The following DPP10 variants were observed in gnomAD, a reference collection of about 807,000 sequenced individuals.
DPP10 encodes inactive dipeptidyl peptidase 10.
A neutral mutation model predicts 120.9 loss-of-function variants in DPP10; 33 were observed. That is an observed-to-expected ratio of 0.27 (90% CI 0.21 to 0.37). The LOEUF is 0.37. DPP10 is among the 10% of genes least tolerant of loss of function. DPP10 has a pLI of 1.00. For missense variants in DPP10, 816 were observed against 942.8 expected, an observed-to-expected ratio of 0.87 and a Z score of 1.76; for synonymous variants, 337 against 326.1, an observed-to-expected ratio of 1.03 and a Z score of -0.36.
intron 10 of DPP10, among the ~76,000 whole-genome samples, chr2:115,749,634 T>A (rs1410788218): frequency 1.3e-5 from 2 of 152,202 alleles, no homozygotes; most frequent in Non-Finnish European, 2.9e-5. Context: ...TGAATAACCC[T>A]TCTGACAAGT....
chr2:115,406,323 G>T (rs1333619001), intron 3 of DPP10, among the ~76,000 whole-genome samples: 1 of 152,136 alleles, frequency 6.6e-6, no homozygotes, highest in Non-Finnish European at 1.5e-5. Flanking sequence ...CAGCATTCTG[G>T]TCATGACAAC....
intron 21 of DPP10, among the ~76,000 whole-genome samples, chr2:115,819,034 T>C (rs1687547466): frequency 6.6e-6 from 1 of 152,178 alleles, no homozygotes; most frequent in Admixed American, 6.5e-5. Context: ...TGCGATTCTT[T>C]TTTCTTGAAA....
At chr2:115,401,698 C>T (rs2068085113) in intron 3 of DPP10, among the ~76,000 whole-genome samples, 1 of 152,116 alleles carries the variant, frequency 6.6e-6, no homozygotes, top group African/African-American at 2.4e-5. Flanking sequence ...CTGGGCTACA[C>T]ATCAAAGCTA....
intron 1 of DPP10, among the ~76,000 whole-genome samples, chr2:114,455,462 C>A (rs1573387473): frequency 6.6e-6 from 1 of 151,500 alleles, no homozygotes; most frequent in African/African-American, 2.4e-5. Context: ...GGAGAATCGC[C>A]TGAACCTGGG....
chr2:114,827,650 T>C (rs1686684836), intron 1 of DPP10, among the ~76,000 whole-genome samples: 1 of 152,206 alleles, frequency 6.6e-6, no homozygotes, highest in Non-Finnish European at 1.5e-5. Flanking sequence ...TGCATGTGTG[T>C]GTGCATGTAC....
chr2:115,754,539 C>A (rs1032189237), intron 11 of DPP10, among the ~76,000 whole-genome samples: 2 of 152,082 alleles, frequency 1.3e-5, no homozygotes, highest in South Asian at 2.1e-4. Context: ...AGTCTAGACA[C>A]CTTCTAATCA....
intron 1 of DPP10, among the ~76,000 whole-genome samples, chr2:114,977,746 TTAATA>T (rs1699842357): frequency 6.6e-6 from 1 of 152,242 alleles, no homozygotes; most frequent in African/African-American, 2.4e-5. Flanking sequence ...TCTAGTATTC[TTAATA>T]TATTTCTCTC....
chr2:115,674,864 G>C (rs1352013186), intron 5 of DPP10, among the ~76,000 whole-genome samples: 1 of 152,158 alleles, frequency 6.6e-6, no homozygotes, highest in African/African-American at 2.4e-5. Context: ...CAGCATTAGA[G>C]TAATTGCTCT....
intron 1 of DPP10, among the ~76,000 whole-genome samples, chr2:114,631,091 T>C (rs181070176): frequency 1.6e-3 from 244 of 152,250 alleles, no homozygotes; most frequent in African/African-American, 5.2e-3. Flanking sequence ...ATATAGTTTA[T>C]GTTTTTTAGG....
chr2:115,729,137 G>C (rs1337660301), intron 8 of DPP10, among the ~76,000 whole-genome samples: 2 of 152,170 alleles, frequency 1.3e-5, no homozygotes, highest in African/African-American at 4.8e-5. Context: ...AGTGTTCATT[G>C]GTTGAGAGTT....
chr2:115,208,163 T>A (rs1036610618), intron 1 of DPP10, among the ~76,000 whole-genome samples: 1 of 151,776 alleles, frequency 6.6e-6, no homozygotes, highest in Non-Finnish European at 1.5e-5. Context: ...TCCACATCTC[T>A]AAGGATACTT....
At chr2:115,402,139 C>T (rs1378193465) in intron 3 of DPP10, among the ~76,000 whole-genome samples, 2 of 152,134 alleles carry the variant, frequency 1.3e-5, no homozygotes, top group Non-Finnish European at 2.9e-5. Context: ...GATGTTTCAC[C>T]TCGTTGCCCT....
intron 1 of DPP10, among the ~76,000 whole-genome samples, chr2:114,927,366 G>A (rs954730247): frequency 2.0e-5 from 3 of 151,428 alleles, no homozygotes; most frequent in African/African-American, 4.9e-5. Context: ...ATCTGCCCAA[G>A]GTTGTCAGGG....
intron 1 of DPP10, among the ~76,000 whole-genome samples, chr2:114,918,908 C>T (rs1694997942): frequency 6.6e-6 from 1 of 151,384 alleles, no homozygotes; most frequent in African/African-American, 2.4e-5. Flanking sequence ...CACAACTTAC[C>T]TATGTAGCAA....
intron 1 of DPP10, among the ~76,000 whole-genome samples, chr2:115,179,628 T>A (rs1340223877): frequency 6.6e-6 from 1 of 152,216 alleles, no homozygotes; most frequent in African/African-American, 2.4e-5. Context: ...TTTGCAGAAT[T>A]CTTTTATGTT....
At chr2:115,837,944 A>G (rs1689703825) in intron 24 of DPP10, among the ~76,000 whole-genome samples, 1 of 152,174 alleles carries the variant, frequency 6.6e-6, no homozygotes, top group African/African-American at 2.4e-5. Flanking sequence ...TGGAACAGAA[A>G]GGGTACACAG....
chr2:114,548,560 T>A (rs2104853003), intron 1 of DPP10, among the ~76,000 whole-genome samples: 1 of 152,288 alleles, frequency 6.6e-6, no homozygotes, highest in South Asian at 2.1e-4. Context: ...AGCCACAGCT[T>A]TTATGAGCGA....
At chr2:114,666,871 C>T (rs542762042) in intron 1 of DPP10, among the ~76,000 whole-genome samples, 7 of 152,110 alleles carry the variant, frequency 4.6e-5, no homozygotes, top group East Asian at 3.8e-4. Flanking sequence ...ATGTCTTAAT[C>T]GTAACTATAT....
chr2:114,772,533 C>A (rs557470100), intron 1 of DPP10, among the ~76,000 whole-genome samples: 3 of 152,104 alleles, frequency 2.0e-5, no homozygotes. Context: ...GAGAAGGATG[C>A]ACATACCTAA....
Sources: gnomAD v4.1 joint callset for allele counts (sites outside exome capture counted in the v4.1 genomes callset) on GRCh38, gnomAD v4.1.1 for gene constraint, MANE v1.5 for transcripts, NCBI Gene and HGNC (gene_info 2026-07-23, HGNC 2026-07-21) for gene names.